FAM222B: variants seen among roughly 807,000 people sequenced by gnomAD.
FAM222B encodes the protein family with sequence similarity 222 member B, also known as protein FAM222B.
In FAM222B, 12 loss-of-function variants were observed where a neutral mutation model predicts 38.0. The ratio of observed to expected loss-of-function variants is 0.32; its 90% CI spans 0.20 to 0.51. FAM222B has a LOEUF of 0.51. Among genes scored for constraint, FAM222B ranks in the 20% least tolerant of loss-of-function variants. FAM222B has a pLI of 0.97. For synonymous variants in FAM222B, 329 were observed against 317.2 expected, an observed-to-expected ratio of 1.04 and a Z score of -0.40; for missense variants, 716 against 754.2, an observed-to-expected ratio of 0.95 and a Z score of 0.59.
rs144245731 is a variant in FAM222B, at chr17:28,762,542, G to T, written c.83-2666C>A. On this transcript the variant is annotated intron_variant, in intron 2 of 2. Coordinates refer to ENST00000581407, the MANE Select transcript of FAM222B (RefSeq NM_001077498.3). ...CTTGGGAGGCTGAGGCAGGAGAATT[G>T]CTTGAACCCGGCAGGTGGAGGTTGC... Among the ~76,000 whole-genome samples the T allele has an allele frequency of 1.8e-3, 258 of 146,856 alleles. 1 individual carries two copies. Among genetic ancestry groups the T allele is most frequent in the African/African-American group, 5.7e-3 (226 of 39,576 alleles).
chr17:28,836,890 A>G (rs2038863195), intron 1 of FAM222B, among the ~76,000 whole-genome samples: 1 of 151,974 alleles, frequency 6.6e-6, no homozygotes, highest in Non-Finnish European at 1.5e-5. Context: ...TCCTCCCTTA[A>G]GCTGATCACC....
chr17:28,806,872 C>T (rs372453778), intron 1 of FAM222B, among the ~76,000 whole-genome samples: 1 of 152,132 alleles, frequency 6.6e-6, no homozygotes. Flanking sequence ...CCTTGGCTCT[C>T]GGTCTGGCTT....
At chr17:28,796,840 C>T (rs1244999057) in intron 1 of FAM222B, among the ~76,000 whole-genome samples, 1 of 151,884 alleles carries the variant, frequency 6.6e-6, no homozygotes, top group African/African-American at 2.4e-5. Context: ...GCAGTTATAA[C>T]TATTATTTGC....
chr17:28,806,497 C>T (rs935140784), intron 1 of FAM222B, among the ~76,000 whole-genome samples: 1 of 152,126 alleles, frequency 6.6e-6, no homozygotes, highest in African/African-American at 2.4e-5. Flanking sequence ...CACCACGGTG[C>T]ACACCTGTAG....
chr17:28,838,444 G>A (rs1226955532), intron 1 of FAM222B, among the ~76,000 whole-genome samples: 2 of 151,298 alleles, frequency 1.3e-5, no homozygotes, highest in African/African-American at 4.9e-5. Flanking sequence ...GCCGGGCGTG[G>A]TGACGGGCAC....
chr17:28,765,592 G>A lies in FAM222B; in HGVS notation c.82+994C>T, dbSNP rs117082452. Among the ~76,000 whole-genome samples, 5 of 152,300 alleles carry A rather than the reference G, an allele frequency of 3.3e-5. No homozygotes were observed. In the East Asian group the frequency reaches 9.6e-4, roughly 29 times the overall value. On this transcript the variant is annotated intron_variant, in intron 2 of 2. Transcript: ENST00000581407. ...GAAGGTCTATTCCAAATTTAGGGCT[G>A]TTTTTACACCTGAAGATACTATACA...
intron 1 of FAM222B, among the ~76,000 whole-genome samples, chr17:28,773,467 G>A (rs2035736072): frequency 1.0e-5 from 1 of 96,942 alleles, no homozygotes; most frequent in Non-Finnish European, 2.0e-5. Flanking sequence ...CAATAAGAGT[G>A]AAACTCTGTC....
At chr17:28,776,483 G>GTC (rs1158129562) in intron 1 of FAM222B, among the ~76,000 whole-genome samples, 1 of 139,338 alleles carries the variant, frequency 7.2e-6, no homozygotes, top group Non-Finnish European at 1.5e-5. Context: ...TTGAGACAGG[G>GTC]TCTCACTCTG....
In FAM222B at chr17:28,759,389, G is replaced by A. The variant is rs768999224; in HGVS notation, c.570C>T (p.Leu190=). The A allele has an allele frequency of 1.2e-6, 2 of 1,604,578 alleles. No individual in the cohort carries two copies. The highest frequency in any genetic ancestry group is 2.2e-5 in the South Asian group (2 of 89,986). ...PPQALSHPQS[L]QQPQGLGHPQ... ...GGTGGCCCAGGCCCTGAGGCTGCTG[G>A]AGGCTCTGAGGGTGGGACAGTGCCT... Residue 190 remains leucine, a synonymous_variant, in exon 3 of 3, where the codon CTC becomes CTT. Coordinates refer to ENST00000581407, the MANE Select transcript of FAM222B (RefSeq NM_001077498.3). The surrounding 1 kb of genome is among the most constrained non-coding windows in gnomAD (Gnocchi z 4.8).
chr17:28,808,241 T>C lies in FAM222B; in HGVS notation c.-41+34441A>G, dbSNP rs2037582841. ...AATCAAACACAGTGGTGTCTTAACG[T>C]TGGAAAGCAACCCCACCAACCATTT... On this transcript the variant is annotated intron_variant, in intron 1 of 2. Transcript: ENST00000581407. Among the ~76,000 whole-genome samples the C allele has an allele frequency of 2.6e-5, 4 of 152,200 alleles. No individual in the cohort carries two copies. The South Asian group carries it at 8.3e-4, about 31-fold the overall frequency.
At chr17:28,802,458 C>T (rs540057186) in intron 1 of FAM222B, 100 of 152,912 alleles carry the variant, frequency 6.5e-4, no homozygotes, top group Non-Finnish European at 4.2e-4. Context: ...GAATGGCTCC[C>T]GCAAAGGGTG....
intron 2 of FAM222B, among the ~76,000 whole-genome samples, chr17:28,763,898 G>T (rs1208147838): frequency 6.6e-6 from 1 of 152,132 alleles, no homozygotes; most frequent in East Asian, 1.9e-4. Context: ...CCCTCCACTA[G>T]GGGGCAGATA....
intron 1 of FAM222B, among the ~76,000 whole-genome samples, chr17:28,818,982 C>T (rs938130971): frequency 3.3e-5 from 5 of 152,266 alleles, no homozygotes; most frequent in South Asian, 4.1e-4. Context: ...AAGCCCTGGA[C>T]GCTGTTTCCC....
chr17:28,844,574 C>T (rs1320689746), upstream of FAM222B, among the ~76,000 whole-genome samples: 4 of 152,168 alleles, frequency 2.6e-5, no homozygotes, highest in Non-Finnish European at 5.9e-5. Flanking sequence ...AAGAGAATGG[C>T]GTGAACCCGG....
chr17:28,760,946 TTGAGAA>T (rs1292137876), intron 2 of FAM222B, among the ~76,000 whole-genome samples: 1 of 152,236 alleles, frequency 6.6e-6, no homozygotes, highest in East Asian at 1.9e-4. Flanking sequence ...ATTTATTTGC[TTGAGAA>T]GGAAGATAAT....
intron 1 of FAM222B, among the ~76,000 whole-genome samples, chr17:28,803,101 C>G (rs1465383651): frequency 6.6e-6 from 1 of 151,894 alleles, no homozygotes; most frequent in African/African-American, 2.4e-5. Context: ...CTCCACCTCC[C>G]AAGTTCAAGC....
At chr17:28,776,257 G>C (rs1029805624) in intron 1 of FAM222B, among the ~76,000 whole-genome samples, 10 of 145,956 alleles carry the variant, frequency 6.9e-5, no homozygotes, top group Non-Finnish European at 1.4e-4. Context: ...GGCGCCTATA[G>C]TCCCAGCTAC....
rs559624246 is a variant in FAM222B, at chr17:28,784,491, TAAAAAAAA to T, written c.-40-17792_-40-17785del. Among the ~76,000 whole-genome samples the T allele has an allele frequency of 5.8e-4, 21 of 36,042 alleles. No individual in the cohort carries two copies. The East Asian group carries it at 8.8e-3, about 15-fold the overall frequency. 23.6% of individuals were successfully genotyped at this position (36,042 alleles called of 152,430 possible). Reference sequence around the variant, plus strand: ...AACAACAGAGTAAGATCCCCTCTCTTAAAAAAAAAAAAAAAAAAAAAAAAAAAAAAAAA... The same window carrying T: ...AACAACAGAGTAAGATCCCCTCTCTTAAAAAAAAAAAAAAAAAAAAAAAAA... On this transcript the variant is annotated intron_variant, in intron 1 of 2. Coordinates refer to ENST00000581407, the MANE Select transcript of FAM222B (RefSeq NM_001077498.3).
intron 1 of FAM222B, among the ~76,000 whole-genome samples, chr17:28,777,782 CT>C (rs35415902): frequency 2.0e-4 from 29 of 147,734 alleles, no homozygotes; most frequent in African/African-American, 4.2e-4. Context: ...ATGCCTGGTA[CT>C]TTTTTTTTTT....
Sources: allele counts gnomAD v4.1 joint callset (sites outside exome capture counted in the v4.1 genomes callset), GRCh38; gene constraint gnomAD v4.1.1; non-coding constraint Gnocchi (gnomAD v3.1); transcripts MANE v1.5; gene names NCBI Gene and HGNC (gene_info 2026-07-23, HGNC 2026-07-21).